Variants in TMEM14B observed in about 807,000 individuals in gnomAD.
TMEM14B encodes the protein transmembrane protein 14B.
Under a neutral mutation model 14.8 loss-of-function variants are expected in TMEM14B, and 9 were observed. That is an observed-to-expected ratio of 0.61 (90% confidence interval 0.37 to 1.06). The LOEUF (loss-of-function observed/expected upper bound fraction) is 1.06, where lower values mean the gene tolerates loss of function less well. Ranked by LOEUF, TMEM14B falls within the 50% of genes least tolerant of loss-of-function variation. The pLI is 0.01. For synonymous variants in TMEM14B, 40 were observed against 51.3 expected, an observed-to-expected ratio of 0.78 and a Z score of 0.94; for missense variants, 128 against 143.6, an observed-to-expected ratio of 0.89 and a Z score of 0.56.
In TMEM14B at chr6:10,753,855, C is replaced by T. The variant is rs570578130; in HGVS notation, c.203-1287C>T. Among the ~76,000 whole-genome samples the T allele has an allele frequency of 2.7e-3, 408 of 151,990 alleles. 3 individuals are homozygous for T. Among genetic ancestry groups the T allele is most frequent in the African/African-American group, 9.0e-3 (371 of 41,262 alleles). Reference sequence around the variant, plus strand: ...CTTTTTCATCTGCACAGCCATCGTCCTAGTCCCAGTTATCCCCTCTTTCTT... The same window carrying T: ...CTTTTTCATCTGCACAGCCATCGTCTTAGTCCCAGTTATCCCCTCTTTCTT... On this transcript the variant is annotated intron_variant, in intron 4 of 5. Coordinates refer to ENST00000379542, the MANE Select transcript of TMEM14B (RefSeq NM_030969.5).
chr6:10,757,505 T>G (rs149764923), downstream of TMEM14B, among the ~76,000 whole-genome samples: 770 of 151,214 alleles, frequency 5.1e-3, 3 homozygotes, highest in Non-Finnish European at 8.3e-3. Flanking sequence ...AAAAAAGTGG[T>G]TTTTTTTGTT....
At chr6:10,757,224 G>A (rs906177568), downstream of TMEM14B, among the ~76,000 whole-genome samples, 2 of 151,832 alleles carry the variant, frequency 1.3e-5, no homozygotes, top group African/African-American at 4.8e-5. Context: ...CTGGAGGGCA[G>A]TGGTACAATC....
At chr6:10,753,834 T>A (rs1771691802) in intron 4 of TMEM14B, among the ~76,000 whole-genome samples, 1 of 151,062 alleles carries the variant, frequency 6.6e-6, no homozygotes. Flanking sequence ...TGTCCTCTTT[T>A]TCATCTGCAC....
Position 10,756,716 on chromosome 6 carries a change from A to G in TMEM14B, c.*198A>G. The G allele has an allele frequency of 1.1e-5, 15 of 1,329,696 alleles. No individual in the cohort carries two copies. Among genetic ancestry groups the G allele is most frequent in the Non-Finnish European group, 1.4e-5 (15 of 1,039,016 alleles). The allele number at this position is 1,329,696 out of a possible 1,614,324, so 82.4% of individuals were successfully genotyped here. A position where few individuals can be genotyped will look rare whatever the true frequency, so the allele number is the denominator to read the frequency against. ...CCTACAGAGGTGGTGAGCATGTAAC[A>G]TGAGCTTATTGAGACCATCATAGAG... On this transcript the variant is annotated 3_prime_UTR_variant, in exon 6 of 6. Coordinates refer to ENST00000379542, the MANE Select transcript of TMEM14B (RefSeq NM_030969.5).
downstream of TMEM14B, chr6:10,759,484 T>G (rs1017404646): frequency 3.3e-5 from 5 of 152,164 alleles, no homozygotes; most frequent in Non-Finnish European, 5.9e-5. Flanking sequence ...TCCTAAATGC[T>G]GAGTCAGAGC....
intron 4 of TMEM14B, 148 bp downstream of exon 4, chr6:10,751,382 T>A: frequency 3.6e-6 from 3 of 842,428 alleles, no homozygotes; most frequent in African/African-American, 1.7e-5. Flanking sequence ...CTCAAAGTTT[T>A]AAAATAGGAG....
intron 3 of TMEM14B, 82 bp from the exon 4 acceptor site, chr6:10,751,051 T>C: frequency 1.3e-6 from 2 of 1,550,776 alleles, no homozygotes; most frequent in Non-Finnish European, 1.8e-6. Context: ...TGCTGTCCTT[T>C]GTAGGGCAGG....
chr6:10,756,611 T>C lies in TMEM14B; in HGVS notation c.*93T>C, dbSNP rs1171941867. 1.5e-5 allele frequency: 22 copies of C among 1,513,424 alleles called. No homozygotes were observed. The Middle Eastern group carries it at 9.6e-4, about 66-fold the overall frequency. 93.7% of individuals were successfully genotyped at this position (1,513,424 alleles called of 1,614,324 possible). A position where few individuals can be genotyped will look rare whatever the true frequency, so the allele number is the denominator to read the frequency against. ...ATTAAGAGAAATAAGTGCAGCATTT[T>C]TGCATCTGACATTTTACCTAAAAAA... On this transcript the variant is annotated 3_prime_UTR_variant, in exon 6 of 6. Coordinates refer to ENST00000379542, the MANE Select transcript of TMEM14B (RefSeq NM_030969.5).
intron 3 of TMEM14B, chr6:10,750,106 C>T (rs1771489060): frequency 5.0e-6 from 1 of 201,038 alleles, no homozygotes; most frequent in Non-Finnish European, 1.0e-5. Context: ...CTTGTTTTTG[C>T]CCCCTAGTCC....
At chr6:10,748,410 T>TTGTGTG (rs59276471) in intron 1 of TMEM14B, among the ~76,000 whole-genome samples, 3 of 150,680 alleles carry the variant, frequency 2.0e-5, no homozygotes, top group Admixed American at 6.6e-5. Flanking sequence ...CATGCCCGAT[T>TTGTGTG]TGTGTGTGTG....
chr6:10,754,244 T>C (rs1235974261), intron 4 of TMEM14B, among the ~76,000 whole-genome samples: 2 of 152,202 alleles, frequency 1.3e-5, no homozygotes, highest in Non-Finnish European at 1.5e-5. Context: ...ATAATGCAAC[T>C]CTTTTTATGC....
At chr6:10,749,138 A>G (rs950692314) in intron 1 of TMEM14B, 64 bp from the exon 2 acceptor site, 18 of 1,136,790 alleles carry the variant, frequency 1.6e-5, no homozygotes, top group East Asian at 7.1e-5. Context: ...GGTTGGACAC[A>G]CTTCTTTCTG....
chr6:10,757,665 G>A (rs1771854506), downstream of TMEM14B, among the ~76,000 whole-genome samples: 1 of 152,060 alleles, frequency 6.6e-6, no homozygotes, highest in Non-Finnish European at 1.5e-5. Flanking sequence ...ACTCAATCTG[G>A]TGCCCTTTGT....
rs139370420 is a variant in TMEM14B at position 10,751,221 on chromosome 6, T to C, written c.189T>C (p.Val63=). The part of the protein sequence containing the change: ...AYQLYQDPRN[V]WGFLAATSVT... ...AGCTGTATCAGGATCCAAGGAACGT[T>C]TGGGGTTTCCTAGGTATGTCTGCTT... Residue 63 remains valine (V), a synonymous_variant, in exon 4 of 6, where the codon GTT becomes GTC. Coordinates refer to ENST00000379542, the MANE Select transcript of TMEM14B (RefSeq NM_030969.5). 56 of 1,613,616 alleles carry C rather than the reference T, an allele frequency of 3.5e-5. No homozygotes were observed. In the Middle Eastern group the frequency reaches 4.9e-4, roughly 14 times the overall value.
chr6:10,758,921 T>A, downstream of TMEM14B: 1 of 162,932 alleles, frequency 6.1e-6, no homozygotes, highest in East Asian at 1.8e-4. Flanking sequence ...TTTTTTTTTT[T>A]TTTTTTTTTT....
chr6:10,749,774 G>C (rs186910470), intron 3 of TMEM14B, 76 bp downstream of exon 3: 1 of 1,567,344 alleles, frequency 6.4e-7, no homozygotes, highest in East Asian at 2.2e-5. Flanking sequence ...GTGTCCCTGA[G>C]AAGCAATCTC....
intron 4 of TMEM14B, among the ~76,000 whole-genome samples, chr6:10,752,529 T>C (rs959573939): frequency 6.8e-6 from 1 of 147,372 alleles, no homozygotes; most frequent in African/African-American, 2.5e-5. Context: ...CGGTCTTGGC[T>C]CACTGCAACC....
intron 3 of TMEM14B, 114 bp downstream of exon 3, chr6:10,749,812 C>A: frequency 6.4e-6 from 8 of 1,243,738 alleles, no homozygotes; most frequent in Non-Finnish European, 9.4e-6. Flanking sequence ...TGTAGGTCCC[C>A]AAGCTGGAGT....
At chr6:10,752,452 CT>C (rs60849022) in intron 4 of TMEM14B, among the ~76,000 whole-genome samples, 6,306 of 112,480 alleles carry the variant, frequency 0.056, 169 homozygotes, top group African/African-American at 0.19. Context: ...CATAAACTAC[CT>C]TTTTTTTTTT....
Sources: allele counts gnomAD v4.1 joint callset (sites outside exome capture counted in the v4.1 genomes callset), GRCh38; gene constraint gnomAD v4.1.1; transcripts MANE v1.5; gene names NCBI Gene and HGNC (gene_info 2026-07-23, HGNC 2026-07-21).